SCN11A: variants seen among roughly 807,000 people sequenced by gnomAD.
The protein encoded by SCN11A is sodium channel protein type 11 subunit alpha.
In SCN11A, 122 loss-of-function variants were observed where a neutral mutation model predicts 162.2. The observed-to-expected ratio is 0.75, with a 90% CI of 0.65 to 0.87. The LOEUF (loss-of-function observed/expected upper bound fraction) is 0.87, where lower values mean the gene tolerates loss of function less well. SCN11A is among the 40% of genes least tolerant of loss of function. The pLI is 0.00. For missense variants in SCN11A, 2,015 were observed against 2,181.6 expected (o/e 0.92, Z 1.52); for synonymous variants, 758 against 751.5 (o/e 1.01, Z -0.14).
At chr3:38,882,399 C>T (rs1350877674) in intron 22 of SCN11A, among the ~76,000 whole-genome samples, 3 of 152,066 alleles carry the variant, frequency 2.0e-5, no homozygotes, top group African/African-American at 2.4e-5. Flanking sequence ...TAATATGGAA[C>T]CAAACTCTCA....
chr3:38,879,961 T>A lies in SCN11A; in HGVS notation c.3382A>T (p.Ile1128Phe), dbSNP rs1039653910. The A allele has an allele frequency of 1.6e-5, 26 of 1,612,412 alleles. No individual in the cohort carries two copies. Among genetic ancestry groups the A allele is most frequent in the Non-Finnish European group, 2.1e-5 (25 of 1,179,254 alleles). The change falls in exon 23 of 30, where the codon ATC (isoleucine) becomes TTC (phenylalanine). Residue 1128 changes from isoleucine (I) to phenylalanine (F), a missense_variant. By Grantham distance (21) the Ile-to-Phe change is conservative (BLOSUM62 0). Transcript: ENST00000302328. ...FTSAWCCLDF[I>F]IVIVSVTTLI... is the part of the protein sequence containing the mutation. Reference sequence around the variant, plus strand: ...GATGGTAAACTTACAATCACAATGATGAAATCAAGGCAGCACCAGGCACTG... The same window carrying A: ...GATGGTAAACTTACAATCACAATGAAGAAATCAAGGCAGCACCAGGCACTG...
intron 2 of SCN11A, among the ~76,000 whole-genome samples, chr3:38,995,819 G>GTCTATCTATCTATCTATCTATCTA (rs373221139): frequency 0.027 from 3,882 of 141,698 alleles, 62 homozygotes; most frequent in East Asian, 0.054. Context: ...CTATCTATCT[G>GTCTATCTATCTATCTATCTATCTA]TCTATCTATC....
intron 7 of SCN11A, among the ~76,000 whole-genome samples, chr3:38,940,195 T>C (rs2066420876): frequency 1.3e-5 from 2 of 152,004 alleles, no homozygotes; most frequent in South Asian, 4.1e-4. Context: ...GGAAGATCTG[T>C]ATGAAGAAAA....
intron 7 of SCN11A, among the ~76,000 whole-genome samples, chr3:38,929,076 G>C (rs1048002168): frequency 1.3e-5 from 2 of 150,808 alleles, no homozygotes; most frequent in African/African-American, 4.9e-5. Flanking sequence ...CCTAAAAAAA[G>C]AAAATAGCTT....
At position 38,944,333 on chromosome 3, in the gene SCN11A, A is replaced by AT. The variant is rs567661284; in HGVS notation, c.488+1077dup. 2.5e-3 allele frequency among the ~76,000 whole-genome samples: 353 copies of AT among 142,948 alleles called. 1 individual carries two copies. The highest frequency in any genetic ancestry group is 5.5e-3 in the East Asian group (27 of 4,874). The allele number at this position is 142,948 out of a possible 152,430, so 93.8% of individuals were successfully genotyped here. On this transcript the variant is annotated intron_variant, in intron 7 of 29. Transcript: ENST00000302328. Reference sequence around the variant, plus strand: ...ATGTACCTTTTTATCTAGAAAATCCATTTTTTTTTTTTTGAGACAGAGTCT... The same window carrying AT: ...ATGTACCTTTTTATCTAGAAAATCCATTTTTTTTTTTTTTGAGACAGAGTCT...
chr3:39,012,432 T>C (rs553416643), intron 2 of SCN11A, among the ~76,000 whole-genome samples: 2 of 151,316 alleles, frequency 1.3e-5, no homozygotes, highest in Non-Finnish European at 1.5e-5. Flanking sequence ...CTTTCTTTCT[T>C]TCTTTCTCTC....
intron 7 of SCN11A, among the ~76,000 whole-genome samples, chr3:38,937,945 G>T (rs1264587022): frequency 6.6e-6 from 1 of 152,072 alleles, no homozygotes; most frequent in East Asian, 1.9e-4. Context: ...GTTTATTGCG[G>T]CACTATTCAC....
chr3:38,949,536 A>T (rs1232335910), intron 5 of SCN11A, among the ~76,000 whole-genome samples: 1 of 152,240 alleles, frequency 6.6e-6, no homozygotes, highest in Non-Finnish European at 1.5e-5. Flanking sequence ...AGTCTCATTT[A>T]ATAGCCTAGA....
At chr3:38,890,458 T>G (rs2065481118) in intron 19 of SCN11A, among the ~76,000 whole-genome samples, 1 of 152,208 alleles carries the variant, frequency 6.6e-6, no homozygotes, top group Admixed American at 6.5e-5. Context: ...CTCTCCTTCA[T>G]TAAAGGCAAG....
chr3:39,001,809 C>A (rs1037186020), intron 2 of SCN11A, among the ~76,000 whole-genome samples: 1 of 151,964 alleles, frequency 6.6e-6, no homozygotes, highest in Non-Finnish European at 1.5e-5. Context: ...CCAAGGTGGG[C>A]GGATCACGAG....
chr3:38,847,762 T>C lies in SCN11A; in HGVS notation c.4328-20A>G. 1 of 1,505,942 alleles carries C rather than the reference T, an allele frequency of 6.6e-7. No homozygotes were observed. The highest frequency in any genetic ancestry group is 9.1e-7 in the Non-Finnish European group (1 of 1,104,512). The allele number at this position is 1,505,942 out of a possible 1,614,324, so 93.3% of individuals were successfully genotyped here. A position where few individuals can be genotyped will look rare whatever the true frequency, so the allele number is the denominator to read the frequency against. The stretch of plus-strand genomic sequence containing the variant: ...TTGTACCTCAGGAGAAGGAGAAAAG[T>C]AAATAAGTTTCCAGAAGGCACACTG... On this transcript the variant is annotated intron_variant, in intron 29 of 29. Coordinates refer to ENST00000302328, the MANE Select transcript of SCN11A (RefSeq NM_001349253.2).
intron 7 of SCN11A, among the ~76,000 whole-genome samples, chr3:38,929,546 T>C (rs2066206316): frequency 2.0e-5 from 3 of 152,232 alleles, no homozygotes; most frequent in Admixed American, 1.3e-4. Flanking sequence ...CGGTATCTTT[T>C]ATGTTATGTG....
intron 2 of SCN11A, among the ~76,000 whole-genome samples, chr3:39,019,613 G>A (rs2031392940): frequency 6.6e-6 from 1 of 152,172 alleles, no homozygotes; most frequent in Non-Finnish European, 1.5e-5. Flanking sequence ...TTCAGCAGGA[G>A]GATCAATCCA....
In SCN11A at chr3:38,950,069, A is replaced by ACC. The variant is rs375995524; in HGVS notation, c.267+25_267+26dup. On this transcript the variant is annotated intron_variant, in intron 5 of 29. Coordinates refer to ENST00000302328, the MANE Select transcript of SCN11A (RefSeq NM_001349253.2). ...GCATGGTTAGAACACCCCCACCCCCACCCCCCCCCCCCGCCCAATGAAGTA... is the reference window on the plus strand; with the variant it reads ...GCATGGTTAGAACACCCCCACCCCCACCCCCCCCCCCCCCGCCCAATGAAGTA... 61 of 66,222 alleles carry ACC rather than the reference A, an allele frequency of 9.2e-4. 4 individuals carry two copies. Among genetic ancestry groups the ACC allele is most frequent in the East Asian group, 3.3e-3 (8 of 2,404 alleles). The allele number at this position is 66,222 out of a possible 1,614,324, so 4.1% of individuals were successfully genotyped here.
At chr3:39,037,419 C>G (rs1206813923) in intron 1 of SCN11A, among the ~76,000 whole-genome samples, 1 of 151,954 alleles carries the variant, frequency 6.6e-6, no homozygotes, top group South Asian at 2.1e-4. Flanking sequence ...TTTGATAGCA[C>G]AAGAAGGTGA....
intron 9 of SCN11A, among the ~76,000 whole-genome samples, chr3:38,925,170 C>T (rs1261689949): frequency 6.6e-6 from 1 of 151,766 alleles, no homozygotes; most frequent in African/African-American, 2.4e-5. Flanking sequence ...GTCTGTCTCC[C>T]CACCCCCACC....
At chr3:38,984,826 C>G (rs1345962650) in intron 2 of SCN11A, among the ~76,000 whole-genome samples, 1 of 152,012 alleles carries the variant, frequency 6.6e-6, no homozygotes, top group Non-Finnish European at 1.5e-5. Context: ...TCGTGTTGAG[C>G]TTTCAATGAA....
intron 2 of SCN11A, among the ~76,000 whole-genome samples, chr3:39,023,683 C>T (rs957411342): frequency 7.3e-5 from 11 of 151,098 alleles, no homozygotes; most frequent in Non-Finnish European, 1.5e-4. Context: ...TGCTCTGTCA[C>T]CCAGGCTGGA....
intron 2 of SCN11A, among the ~76,000 whole-genome samples, chr3:39,021,697 A>G (rs1229203066): frequency 6.6e-6 from 1 of 152,206 alleles, no homozygotes; most frequent in Non-Finnish European, 1.5e-5. Flanking sequence ...CCTTTTCCAG[A>G]ACACAAAATG....
Sources: allele counts gnomAD v4.1 joint callset (sites outside exome capture counted in the v4.1 genomes callset), GRCh38; gene constraint gnomAD v4.1.1; transcripts MANE v1.5; gene names NCBI Gene and HGNC (gene_info 2026-07-23, HGNC 2026-07-21).